ANGEL2: variants seen among roughly 807,000 people sequenced by gnomAD.
ANGEL2 encodes the protein RNA 2',3'-cyclic phosphatase ANGEL2.
In ANGEL2, 41 loss-of-function variants were observed where a neutral mutation model predicts 66.0. The observed-to-expected ratio is 0.62, with a 90% CI of 0.48 to 0.81. The LOEUF (loss-of-function observed/expected upper bound fraction) is 0.81, where lower values mean the gene tolerates loss of function less well. Among genes scored for constraint, ANGEL2 ranks in the 30% least tolerant of loss-of-function variants. The pLI is 0.00. For missense variants in ANGEL2, 561 were observed against 641.6 expected, an observed-to-expected ratio of 0.87 and a Z score of 1.36; for synonymous variants, 208 against 226.5, an observed-to-expected ratio of 0.92 and a Z score of 0.73.
chr1:213,001,051 G>T, intron 5 of ANGEL2, 139 bp from the exon 6 acceptor site: 1 of 756,746 alleles, frequency 1.3e-6, no homozygotes, highest in Non-Finnish European at 2.0e-6. Flanking sequence ...TGATTCTTTG[G>T]ACTTATAAAA....
At chr1:212,995,281 A>G in intron 8 of ANGEL2, 89 bp from the exon 9 acceptor site, 1 of 1,226,346 alleles carries the variant, frequency 8.2e-7, no homozygotes, top group South Asian at 1.9e-5. Flanking sequence ...AAACAAATAT[A>G]GAACTTGAGG....
chr1:213,014,150 G>C (rs2076578784), intron 1 of ANGEL2, among the ~76,000 whole-genome samples: 1 of 152,108 alleles, frequency 6.6e-6, no homozygotes, highest in Non-Finnish European at 1.5e-5. Flanking sequence ...ATTTTTAATA[G>C]GTATGTTGCT....
At chr1:212,997,636 T>C (rs1202407279) in intron 7 of ANGEL2, among the ~76,000 whole-genome samples, 1 of 152,214 alleles carries the variant, frequency 6.6e-6, no homozygotes, top group East Asian at 1.9e-4. Flanking sequence ...ATTGTGTTTT[T>C]AAGAAAGAGA....
chr1:212,996,622 C>CAAAAAAAAA lies in ANGEL2; in HGVS notation c.1483+532_1483+533insTTTTTTTTT, dbSNP rs1558167053. Among the ~76,000 whole-genome samples, 3 of 22,716 alleles carry CAAAAAAAAA rather than the reference C, an allele frequency of 1.3e-4. 1 individual carries two copies. The highest frequency in any genetic ancestry group is 3.8e-4 in the African/African-American group (3 of 7,964). 14.9% of individuals were successfully genotyped at this position (22,716 alleles called of 152,430 possible). On this transcript the variant is annotated intron_variant, in intron 8 of 8. Coordinates refer to ENST00000366962, the MANE Select transcript of ANGEL2 (RefSeq NM_144567.5). ...TGGGTAACAGAGCGAGACTCTGTAT[C>CAAAAAAAAA]CAAAAAAAAAAAAAAAAAATATATA... is the stretch of plus-strand genomic sequence containing the variant.
chr1:212,999,665 A>G (rs1372913169), intron 7 of ANGEL2, among the ~76,000 whole-genome samples: 1 of 152,234 alleles, frequency 6.6e-6, no homozygotes, highest in Non-Finnish European at 1.5e-5. Context: ...AATCTCCCTG[A>G]GACAAGATTT....
At chr1:213,001,163 A>T in intron 5 of ANGEL2, 1 of 425,636 alleles carries the variant, frequency 2.3e-6, no homozygotes, top group Admixed American at 4.4e-5. Context: ...CATACAAATC[A>T]TCTATCGCTT....
intron 2 of ANGEL2, among the ~76,000 whole-genome samples, chr1:213,008,720 G>T (rs2076413698): frequency 6.6e-6 from 1 of 152,238 alleles, no homozygotes; most frequent in Admixed American, 6.5e-5. Context: ...TGGAGGCTGA[G>T]AGTATGTGTT....
At chr1:212,997,698 CAGAG>C (rs2076065451) in intron 7 of ANGEL2, among the ~76,000 whole-genome samples, 1 of 152,176 alleles carries the variant, frequency 6.6e-6, no homozygotes, top group African/African-American at 2.4e-5. Flanking sequence ...CTTTTGATGA[CAGAG>C]AGGCCATATT....
intron 3 of ANGEL2, among the ~76,000 whole-genome samples, chr1:213,007,484 C>T (rs1420727138): frequency 6.6e-6 from 1 of 152,064 alleles, no homozygotes; most frequent in Non-Finnish European, 1.5e-5. Flanking sequence ...GATATTTTTC[C>T]GGGTTTTACA....
chr1:213,004,915 T>G, intron 5 of ANGEL2, 118 bp downstream of exon 5: 1 of 453,102 alleles, frequency 2.2e-6, no homozygotes, highest in Non-Finnish European at 3.5e-6. Flanking sequence ...CATAGTTTGA[T>G]AAAGTGAGGG....
At chr1:213,004,496 T>G (rs75093491) in intron 5 of ANGEL2, among the ~76,000 whole-genome samples, 1 of 151,872 alleles carries the variant, frequency 6.6e-6, no homozygotes, top group Non-Finnish European at 1.5e-5. Flanking sequence ...TTTTTTTTTT[T>G]GCTGCCTGTT....
chr1:213,015,619 C>T lies in ANGEL2; in HGVS notation c.53G>A (p.Arg18Lys). 6.2e-7 allele frequency: 1 copy of T among 1,614,026 alleles called. No individual in the cohort carries two copies. Among genetic ancestry groups the T allele is most frequent in the Non-Finnish European group, 8.5e-7 (1 of 1,179,982 alleles). ...AGTACCCAGCCCTACTGACCGGCCT[C>T]TTCCCACCACACAGTGGCCGTAGCC... ...RKGYGHCVVG[R>K]GRYPMFPHHS... is the part of the protein sequence containing the mutation. The change falls in exon 1 of 9, where the codon AGA (arginine) becomes AAA (lysine). Residue 18 changes from arginine to lysine, a missense_variant. Transcript: ENST00000366962.
intron 2 of ANGEL2, 40 bp downstream of exon 2, chr1:213,013,053 C>T: frequency 1.3e-6 from 2 of 1,574,118 alleles, no homozygotes; most frequent in Non-Finnish European, 1.7e-6. Flanking sequence ...TAGTCTATCA[C>T]TTGTATCTAT....
intron 6 of ANGEL2, 33 bp from the exon 7 acceptor site, chr1:213,000,416 T>C: frequency 9.5e-6 from 15 of 1,574,798 alleles, no homozygotes; most frequent in Non-Finnish European, 1.3e-5. Flanking sequence ...ATTAATGTTA[T>C]TGTTCTAGTT....
chr1:213,000,150 G>T (rs145527419), intron 7 of ANGEL2, among the ~76,000 whole-genome samples, 176 bp downstream of exon 7: 17 of 152,134 alleles, frequency 1.1e-4, no homozygotes, highest in Non-Finnish European at 2.5e-4. Flanking sequence ...AAAATCATTC[G>T]GCTAAAACAC....
At position 213,008,207 on chromosome 1, in the gene ANGEL2, T is replaced by TA. The variant is rs2076396087; in HGVS notation, c.642+2dup. On this transcript the variant is annotated splice_region_variant and intron_variant, in intron 3 of 8. Coordinates refer to ENST00000366962, the MANE Select transcript of ANGEL2 (RefSeq NM_144567.5). ...AAGAATTTCAATAATATTTTGCACTTACGTCTGCATCAAAATGTTTAATTT... is the reference window on the plus strand; with the variant it reads ...AAGAATTTCAATAATATTTTGCACTTAACGTCTGCATCAAAATGTTTAATTT... The TA allele has an allele frequency of 6.2e-7, 1 of 1,611,858 alleles. No homozygotes were observed. The highest frequency in any genetic ancestry group is 8.5e-7 in the Non-Finnish European group (1 of 1,178,800).
At chr1:213,014,308 T>A (rs61834070) in intron 1 of ANGEL2, among the ~76,000 whole-genome samples, 2,796 of 152,378 alleles carry the variant, frequency 0.018, 38 homozygotes, top group Non-Finnish European at 0.029. Context: ...GCATCAATAA[T>A]GTGCGCTCCC....
At chr1:213,001,959 T>C in intron 5 of ANGEL2, 1 of 173,838 alleles carries the variant, frequency 5.8e-6, no homozygotes, top group Non-Finnish European at 1.2e-5. Context: ...CCCCTCAAAG[T>C]CATCCATGAG....
In ANGEL2 at chr1:213,013,158, T is replaced by A; in HGVS notation, c.320A>T (p.His107Leu). The A allele has an allele frequency of 1.2e-6, 2 of 1,614,182 alleles. No individual in the cohort carries two copies. Among genetic ancestry groups the A allele is most frequent in the Non-Finnish European group, 1.7e-6 (2 of 1,180,014 alleles). Residue 107 changes from histidine to leucine, a missense_variant, in exon 2 of 9, where the codon CAT becomes CTT. By Grantham distance (99) the His-to-Leu change is moderately conservative. Transcript: ENST00000366962. ...PDNLSQTSLIHLSSYVMNAEG... is the reference protein window; with the variant it reads ...PDNLSQTSLILLSSYVMNAEG... ...AGCGTTCATGACGTAACTAGAGAGATGAATCAAAGATGTCTGGCTCAGGTT... is the reference window on the plus strand; with the variant it reads ...AGCGTTCATGACGTAACTAGAGAGAAGAATCAAAGATGTCTGGCTCAGGTT...
Sources: gnomAD v4.1 joint callset for allele counts (sites outside exome capture counted in the v4.1 genomes callset) on GRCh38, gnomAD v4.1.1 for gene constraint, MANE v1.5 for transcripts, NCBI Gene and HGNC (gene_info 2026-07-23, HGNC 2026-07-21) for gene names.